The following FBXL4 variants were observed in gnomAD, a reference collection of about 807,000 sequenced individuals.
FBXL4 encodes the protein F-box and leucine rich repeat protein 4, also known as F-box/LRR-repeat protein 4.
A neutral mutation model predicts 58.9 loss-of-function variants in FBXL4; 40 were observed. That is an observed-to-expected ratio of 0.68 (90% CI 0.53 to 0.88). FBXL4 has a LOEUF of 0.88. Ranked by LOEUF, FBXL4 falls within the 40% of genes least tolerant of loss-of-function variation. The pLI is 0.00. For missense variants in FBXL4, 676 were observed against 734.4 expected, an observed-to-expected ratio of 0.92 and a Z score of 0.92; for synonymous variants, 263 against 265.5, an observed-to-expected ratio of 0.99 and a Z score of 0.09.
intron 3 of FBXL4, 84 bp from the exon 4 acceptor site, chr6:98,927,144 C>T (rs1772822515): frequency 4.9e-6 from 3 of 616,904 alleles, no homozygotes; most frequent in Non-Finnish European, 2.7e-6. Flanking sequence ...AGGCTCTACC[C>T]TCAATGTAAT....
At chr6:98,889,842 T>C (rs1470491129) in intron 7 of FBXL4, among the ~76,000 whole-genome samples, 1 of 152,170 alleles carries the variant, frequency 6.6e-6, no homozygotes, top group Non-Finnish European at 1.5e-5. Context: ...AATTTATTAA[T>C]AGATAAAAGG....
chr6:98,917,080 T>A (rs539467063), intron 5 of FBXL4, among the ~76,000 whole-genome samples: 1 of 152,128 alleles, frequency 6.6e-6, no homozygotes, highest in South Asian at 2.1e-4. Flanking sequence ...GTAATATGAA[T>A]TAAAGTGGAT....
Position 98,926,689 on chromosome 6 carries a change from A to G in FBXL4, c.300T>C (p.Tyr100=), listed in dbSNP as rs573472397. The change falls in exon 4 of 10, where the codon TAT becomes TAC. Residue 100 remains tyrosine, a synonymous_variant. Transcript: ENST00000369244. ...TAGGACACTGATCCCACCATGTCCC[A>G]TAAGTTCGAAACACAGCTGTCTGAG... ...DFTQTAVFRT[Y]GTWWDQCPSA... is the part of the protein sequence containing the mutation. 4.7e-5 allele frequency: 76 copies of G among 1,614,234 alleles called. 1 individual carries two copies. The South Asian group carries it at 6.7e-4, about 14-fold the overall frequency.
intron 6 of FBXL4, among the ~76,000 whole-genome samples, chr6:98,901,399 A>AT (rs1771607263): frequency 6.6e-6 from 1 of 152,068 alleles, no homozygotes; most frequent in Non-Finnish European, 1.5e-5. Flanking sequence ...AGATGAGTAG[A>AT]TCAGAGATGA....
chr6:98,939,470 A>G (rs1773349286), intron 1 of FBXL4, among the ~76,000 whole-genome samples: 1 of 152,222 alleles, frequency 6.6e-6, no homozygotes, highest in Non-Finnish European at 1.5e-5. Context: ...TCCTGCACCC[A>G]CATAAGAACT....
chr6:98,898,537 G>A (rs758192634), intron 7 of FBXL4: 80 of 891,332 alleles, frequency 9.0e-5, no homozygotes, highest in South Asian at 2.1e-4. Context: ...CTGGTCAGGC[G>A]GAGGTTTCAG....
chr6:98,873,759 TA>T lies in FBXL4; in HGVS notation c.*518del, dbSNP rs1251220232. The T allele has an allele frequency of 2.6e-5, 4 of 152,186 alleles. No individual in the cohort carries two copies. The highest frequency in any genetic ancestry group is 6.6e-5 in the Admixed American group (1 of 15,258). 9.4% of individuals were successfully genotyped at this position (152,186 alleles called of 1,614,324 possible). On this transcript the variant is annotated 3_prime_UTR_variant, in exon 10 of 10. Transcript: ENST00000369244. ...TGCCACCACACCTGGCTAGAAAAACTAAAAATTTTCCAGTTGAACAGTTAAT... is the reference window on the plus strand; with the variant it reads ...TGCCACCACACCTGGCTAGAAAAACTAAAATTTTCCAGTTGAACAGTTAAT...
chr6:98,930,915 G>T (rs991218706), intron 2 of FBXL4, among the ~76,000 whole-genome samples: 19 of 152,036 alleles, frequency 1.2e-4, no homozygotes, highest in African/African-American at 4.8e-5. Context: ...AAAAGAAAAA[G>T]AATTAACAAG....
chr6:98,936,103 A>G (rs1157846083), intron 1 of FBXL4, among the ~76,000 whole-genome samples: 1 of 152,204 alleles, frequency 6.6e-6, no homozygotes, highest in East Asian at 1.9e-4. Flanking sequence ...ATCCAAGGAC[A>G]ATACACCTGT....
At chr6:98,879,770 A>G (rs1248322071) in intron 8 of FBXL4, among the ~76,000 whole-genome samples, 1 of 151,840 alleles carries the variant, frequency 6.6e-6, no homozygotes, top group Non-Finnish European at 1.5e-5. Context: ...GTGAAACCCC[A>G]TCTCTACTAA....
intron 7 of FBXL4, among the ~76,000 whole-genome samples, chr6:98,886,235 C>T (rs1184733861): frequency 6.6e-6 from 1 of 151,970 alleles, no homozygotes; most frequent in East Asian, 1.9e-4. Context: ...ATATAGTAGG[C>T]ACAATATATA....
In FBXL4 at chr6:98,873,290, TAATA is replaced by T. The variant is rs1361308693; in HGVS notation, c.*984_*987del. 1.4e-5 allele frequency: 2 copies of T among 147,546 alleles called. No homozygotes were observed. The highest frequency in any genetic ancestry group is 1.9e-4 in the East Asian group (1 of 5,158). The allele number at this position is 147,546 out of a possible 1,614,324, so 9.1% of individuals were successfully genotyped here. On this transcript the variant is annotated 3_prime_UTR_variant, in exon 10 of 10. Transcript: ENST00000369244. ...ATGTAATATATAATTATATAATATA[TAATA>T]TATACATGTATATATTAAAAATCAT... is the stretch of plus-strand genomic sequence containing the variant.
At chr6:98,936,985 G>A (rs1773244968) in intron 1 of FBXL4, among the ~76,000 whole-genome samples, 1 of 152,080 alleles carries the variant, frequency 6.6e-6, no homozygotes, top group Admixed American at 6.6e-5. Flanking sequence ...CAATGTATGG[G>A]ATTGGGGCAC....
intron 8 of FBXL4, among the ~76,000 whole-genome samples, chr6:98,877,730 A>T (rs1390059475): frequency 6.6e-6 from 1 of 152,238 alleles, no homozygotes; most frequent in Admixed American, 6.5e-5. Flanking sequence ...CCAGGATCAC[A>T]TAATTAGTAG....
chr6:98,883,361 T>C (rs181908796), intron 7 of FBXL4, among the ~76,000 whole-genome samples: 1 of 152,140 alleles, frequency 6.6e-6, no homozygotes. Flanking sequence ...ATACCTTCTC[T>C]GAGGCATGTC....
intron 1 of FBXL4, among the ~76,000 whole-genome samples, chr6:98,944,921 T>C (rs1286540970): frequency 6.6e-6 from 1 of 152,102 alleles, no homozygotes; most frequent in Non-Finnish European, 1.5e-5. Context: ...CCGTTCCTGT[T>C]GTGCTTTGTC....
chr6:98,937,861 G>A (rs1172019547), intron 1 of FBXL4, among the ~76,000 whole-genome samples: 1 of 152,126 alleles, frequency 6.6e-6, no homozygotes, highest in Non-Finnish European at 1.5e-5. Context: ...ATTGTCTAAT[G>A]TCAATTTGTT....
intron 7 of FBXL4, among the ~76,000 whole-genome samples, chr6:98,892,483 C>T (rs1350911538): frequency 6.6e-6 from 1 of 152,154 alleles, no homozygotes; most frequent in Non-Finnish European, 1.5e-5. Context: ...GCTCTACTTA[C>T]CAAAATACAA....
intron 6 of FBXL4, among the ~76,000 whole-genome samples, chr6:98,900,224 T>C (rs1189733540): frequency 6.6e-6 from 1 of 152,144 alleles, no homozygotes; most frequent in Non-Finnish European, 1.5e-5. Flanking sequence ...AAAGTAAACA[T>C]GAATCTAGGA....
Sources: allele counts gnomAD v4.1 joint callset (sites outside exome capture counted in the v4.1 genomes callset), GRCh38; gene constraint gnomAD v4.1.1; transcripts MANE v1.5; gene names NCBI Gene and HGNC (gene_info 2026-07-23, HGNC 2026-07-21).